Variants in GBP2 observed in about 807,000 individuals in gnomAD.
GBP2 encodes guanylate binding protein 2.
GBP2 carries 54 observed loss-of-function variants against 60.8 expected under a neutral mutation model. That is an observed-to-expected ratio of 0.89 (90% confidence interval 0.71 to 1.11). GBP2 has a LOEUF of 1.11. Among genes scored for constraint, GBP2 ranks in the 50% most tolerant of loss-of-function variants. The probability of loss-of-function intolerance (pLI) is 0.00; values close to 1 mark genes in which losing one functional copy is unlikely to be tolerated. For missense variants in GBP2, 665 were observed against 703.3 expected (o/e 0.95, Z 0.62); for synonymous variants, 243 against 256.5 (o/e 0.95, Z 0.50).
chr1:89,121,845 A>G lies in GBP2; in HGVS notation c.122T>C (p.Val41Ala), dbSNP rs559857919. The G allele has an allele frequency of 6.2e-7, 1 of 1,613,520 alleles. No homozygotes were observed. The highest frequency in any genetic ancestry group is 8.5e-7 in the Non-Finnish European group (1 of 1,179,650). ...LSAITQPVVVVAIVGLYRTGK... is the reference protein window; with the variant it reads ...LSAITQPVVVAAIVGLYRTGK... ...TGTGCGATAGAGGCCCACAATCGCC[A>G]CCACCACCACAGGCTGCGTAATTGC... The change falls in exon 2 of 11, where the codon GTG becomes GCG. Residue 41 changes from valine to alanine, a missense_variant. Val to Ala is a moderately conservative substitution (Grantham distance 64, BLOSUM62 0). Transcript: ENST00000370466.
chr1:89,110,057 G>A, intron 9 of GBP2, 107 bp downstream of exon 9: 1 of 965,004 alleles, frequency 1.0e-6, no homozygotes, highest in Non-Finnish European at 1.6e-6. Flanking sequence ...AACTATGAAT[G>A]ATACTTGCCA....
chr1:89,115,309 A>G (rs1033704757), intron 6 of GBP2, among the ~76,000 whole-genome samples: 1 of 152,134 alleles, frequency 6.6e-6, no homozygotes, highest in Admixed American at 6.5e-5. Context: ...GACTAACCCA[A>G]TGCCCATTTA....
intron 6 of GBP2, 35 bp downstream of exon 6, chr1:89,116,957 G>T: frequency 6.2e-7 from 1 of 1,610,258 alleles, no homozygotes; most frequent in Non-Finnish European, 8.5e-7. Context: ...GAAGGAGAAA[G>T]TCCAGGTAGG....
chr1:89,123,804 C>T (rs1557444062), intron 1 of GBP2, among the ~76,000 whole-genome samples: 1 of 152,212 alleles, frequency 6.6e-6, no homozygotes, highest in Non-Finnish European at 1.5e-5. Flanking sequence ...AGCTTTACAA[C>T]AAGCTGTAGT....
At chr1:89,121,040 C>T in intron 3 of GBP2, 103 bp downstream of exon 3, 1 of 688,938 alleles carries the variant, frequency 1.5e-6, no homozygotes, top group Non-Finnish European at 2.3e-6. Context: ...AGCCCTAAAT[C>T]AAGGAGTAGG....
chr1:89,117,983 A>G (rs755988286), intron 4 of GBP2: 88 of 462,308 alleles, frequency 1.9e-4, no homozygotes, highest in Non-Finnish European at 3.0e-4. Context: ...GCTGTAATGA[A>G]TGAGACAATG....
rs1380076601 is a variant in GBP2, at chr1:89,117,107, T to C, written c.753A>G (p.Leu251=). The change falls in exon 6 of 11, where the codon CTA becomes CTG. Residue 251 remains leucine (L), a synonymous_variant. Transcript: ENST00000370466. ...PKKYLAHLEQ[L]KEEELNPDFI... ...AATCAGGGTTCAGCTCTTCCTCCTTTAGCTGCTCTAGGTGAGCAAGGTACT... is the reference window on the plus strand; with the variant it reads ...AATCAGGGTTCAGCTCTTCCTCCTTCAGCTGCTCTAGGTGAGCAAGGTACT... The C allele has an allele frequency of 5.6e-6, 9 of 1,614,158 alleles. 1 individual carries two copies. In the South Asian group the frequency reaches 8.8e-5, roughly 16 times the overall value.
At position 89,121,920 on chromosome 1, in the gene GBP2, T is replaced by C; in HGVS notation, c.47A>G (p.Asn16Ser). The change falls in exon 2 of 11, where the codon AAC becomes AGC. Residue 16 changes from asparagine (N) to serine (S), a missense_variant. Physicochemically the swap from Asn to Ser is conservative, Grantham distance 46. Coordinates refer to ENST00000370466, the MANE Select transcript of GBP2 (RefSeq NM_004120.5). ...NLPGPMSLID[N>S]TKGQLVVNPE... The stretch of plus-strand genomic sequence containing the variant: ...ATTCACCACCAGCTGCCCTTTAGTG[T>C]TATCAATGAGGCTCATTGGGCCCGG... The C allele has an allele frequency of 6.2e-7, 1 of 1,613,916 alleles. No homozygotes were observed. The highest frequency in any genetic ancestry group is 8.5e-7 in the Non-Finnish European group (1 of 1,179,884).
intron 10 of GBP2, among the ~76,000 whole-genome samples, 172 bp from the exon 11 acceptor site, chr1:89,108,463 T>C (rs954770696): frequency 2.0e-5 from 3 of 152,226 alleles, no homozygotes; most frequent in African/African-American, 7.2e-5. Flanking sequence ...AAAAATGTTG[T>C]TGTTCTACAG....
In GBP2 at chr1:89,112,489, G is replaced by T; in HGVS notation, c.1345C>A (p.Pro449Thr). ...TAGTTTACCTGTATCCCCTTCCTTG[G>T]CACCTGGTAGTACTTATTCTTCAGC... ...QELKNKYYQV[P>T]RKGIQAKEVL... is the part of the protein sequence containing the mutation. The change falls in exon 8 of 11, where the codon CCA (proline) becomes ACA (threonine). Residue 449 changes from proline to threonine, a missense_variant. Coordinates refer to ENST00000370466, the MANE Select transcript of GBP2 (RefSeq NM_004120.5). 6.2e-7 allele frequency: 1 copy of T among 1,613,990 alleles called. No homozygotes were observed. The highest frequency in any genetic ancestry group is 8.5e-7 in the Non-Finnish European group (1 of 1,179,952).
rs1681087216 is a variant in GBP2, at chr1:89,108,037, C to A, written c.*138G>T. 1 of 632,528 alleles carries A rather than the reference C, an allele frequency of 1.6e-6. No individual in the cohort carries two copies. Among genetic ancestry groups the A allele is most frequent in the Non-Finnish European group, 2.8e-6 (1 of 354,196 alleles). 39.2% of individuals were successfully genotyped at this position (632,528 alleles called of 1,614,324 possible). ...TCATACTTAACCTTTACTTTGCAAA[C>A]TTTATGGTTCAACAAAAATGCATGC... is the stretch of plus-strand genomic sequence containing the variant. On this transcript the variant is annotated 3_prime_UTR_variant, in exon 11 of 11. Coordinates refer to ENST00000370466, the MANE Select transcript of GBP2 (RefSeq NM_004120.5).
intron 4 of GBP2, chr1:89,118,596 AG>A (rs1440239955): frequency 2.6e-5 from 4 of 152,310 alleles, no homozygotes; most frequent in African/African-American, 9.6e-5. Context: ...CTGTGAGTCA[AG>A]TGTGTATGCC....
chr1:89,110,448 C>A (rs889962315), intron 8 of GBP2, among the ~76,000 whole-genome samples, 182 bp from the exon 9 acceptor site: 2 of 152,102 alleles, frequency 1.3e-5, no homozygotes, highest in African/African-American at 4.8e-5. Context: ...AAATGCCCAT[C>A]AATTAATGAG....
intron 6 of GBP2, among the ~76,000 whole-genome samples, chr1:89,116,185 G>A (rs1681267993): frequency 6.6e-6 from 1 of 151,666 alleles, no homozygotes; most frequent in African/African-American, 2.4e-5. Context: ...ATTAATTTTT[G>A]TGTTTTTAGT....
intron 4 of GBP2, 84 bp from the exon 5 acceptor site, chr1:89,117,857 TTTC>T: frequency 9.3e-7 from 1 of 1,069,860 alleles, no homozygotes; most frequent in South Asian, 1.7e-5. Flanking sequence ...AATAATTTGG[TTTC>T]TTTTTATTAG....
At chr1:89,115,337 A>G (rs1462544991) in intron 6 of GBP2, among the ~76,000 whole-genome samples, 1 of 152,158 alleles carries the variant, frequency 6.6e-6, no homozygotes, top group Non-Finnish European at 1.5e-5. Context: ...ACCACTGCAA[A>G]TAGCATCCAT....
chr1:89,115,246 CA>C (rs1681245646), intron 6 of GBP2, among the ~76,000 whole-genome samples: 1 of 152,066 alleles, frequency 6.6e-6, no homozygotes, highest in African/African-American at 2.4e-5. Context: ...ATTTAATATC[CA>C]AAGTATGTTC....
At chr1:89,120,437 A>G in intron 3 of GBP2, 149 bp from the exon 4 acceptor site, 1 of 645,304 alleles carries the variant, frequency 1.5e-6, no homozygotes, top group Non-Finnish European at 2.8e-6. Flanking sequence ...ATTTTTTTCT[A>G]CCTGTAGAAC....
rs758553820 is a variant in GBP2, at chr1:89,112,639, TG to T, written c.1194del (p.Ala400HisfsTer17). 1 of 1,614,214 alleles carries T rather than the reference TG, an allele frequency of 6.2e-7. No homozygotes were observed. Among genetic ancestry groups the T allele is most frequent in the Non-Finnish European group, 8.5e-7 (1 of 1,180,040 alleles). On this transcript the variant is annotated frameshift_variant, in exon 8 of 11. Transcript: ENST00000370466. LOFTEE classifies it high-confidence loss of function. The stretch of plus-strand genomic sequence containing the variant: ...GCCATGCAACAATCTGATGATGCTT[TG>T]GAATTCTGCTTACAAAAGTCATCTC... ...ARRDDFCKQN[S>X]KASSDCCMAL...
Sources: allele counts gnomAD v4.1 joint callset (sites outside exome capture counted in the v4.1 genomes callset), GRCh38; gene constraint gnomAD v4.1.1; transcripts MANE v1.5; gene names NCBI Gene and HGNC (gene_info 2026-07-23, HGNC 2026-07-21).